PRRX2: variants seen among roughly 807,000 people sequenced by gnomAD.
PRRX2 encodes the protein paired mesoderm homeobox protein 2.
PRRX2 carries 11 observed loss-of-function variants against 18.0 expected under a neutral mutation model. The observed-to-expected ratio is 0.61, with a 90% CI of 0.39 to 1.01. The LOEUF (loss-of-function observed/expected upper bound fraction) is 1.01, where lower values mean the gene tolerates loss of function less well. Among genes scored for constraint, PRRX2 ranks in the 50% least tolerant of loss-of-function variants. PRRX2 has a pLI of 0.01. For synonymous variants in PRRX2, 177 were observed against 154.8 expected, an observed-to-expected ratio of 1.14 and a Z score of -1.06; for missense variants, 387 against 351.0, an observed-to-expected ratio of 1.10 and a Z score of -0.82.
intron 1 of PRRX2, among the ~76,000 whole-genome samples, chr9:129,708,504 T>A (rs1336846181): frequency 6.6e-6 from 1 of 152,260 alleles, no homozygotes; most frequent in African/African-American, 2.4e-5. Context: ...CACTCATTTT[T>A]AAATTGGGAT....
At chr9:129,681,751 C>T (rs1219074301) in intron 1 of PRRX2, among the ~76,000 whole-genome samples, 1 of 149,908 alleles carries the variant, frequency 6.7e-6, no homozygotes, top group Non-Finnish European at 1.5e-5. Flanking sequence ...GAGGCTGGGG[C>T]AGATGGTGTG....
intron 1 of PRRX2, among the ~76,000 whole-genome samples, chr9:129,714,206 G>T (rs371802567): frequency 1.3e-5 from 2 of 151,920 alleles, no homozygotes; most frequent in African/African-American, 4.8e-5. Flanking sequence ...TCGAGAGGCT[G>T]AGGTAGGAGA....
chr9:129,670,599 T>C (rs1832087929), intron 1 of PRRX2, among the ~76,000 whole-genome samples: 1 of 152,154 alleles, frequency 6.6e-6, no homozygotes, highest in Admixed American at 6.6e-5. Flanking sequence ...GGTCTTGAAC[T>C]CCTGACCTCA....
chr9:129,670,747 G>A (rs1588160478), intron 1 of PRRX2, among the ~76,000 whole-genome samples: 1 of 152,170 alleles, frequency 6.6e-6, no homozygotes, highest in East Asian at 1.9e-4. Context: ...CGGCCTCCCT[G>A]TAACTGATGC....
At chr9:129,712,284 C>T (rs1443462136) in intron 1 of PRRX2, among the ~76,000 whole-genome samples, 2 of 152,050 alleles carry the variant, frequency 1.3e-5, no homozygotes, top group African/African-American at 2.4e-5. Context: ...CACCTCAGCC[C>T]GGGGGTCAGG....
Position 129,720,631 on chromosome 9 carries a change from G to A in PRRX2, c.483G>A (p.Arg161=). Residue 161 remains arginine, a synonymous_variant, in exon 3 of 4, where the codon AGG becomes AGA. Transcript: ENST00000372469. ...WFQNRRAKFR[R]NERAMLASRS... is the part of the protein sequence containing the mutation. ...AGAACCGCCGCGCCAAGTTCCGCAG[G>A]AATGAAAGGGCCATGCTGGCCAGCC... The A allele has an allele frequency of 6.2e-7, 1 of 1,612,924 alleles. No individual in the cohort carries two copies. The highest frequency in any genetic ancestry group is 8.5e-7 in the Non-Finnish European group (1 of 1,179,408).
intron 1 of PRRX2, among the ~76,000 whole-genome samples, chr9:129,717,091 G>A (rs544114015): frequency 6.6e-6 from 1 of 151,904 alleles, no homozygotes; most frequent in East Asian, 1.9e-4. Context: ...CTGTCACCCA[G>A]GCTGGAGTGC....
chr9:129,719,547 G>T (rs1832762706), intron 2 of PRRX2, 129 bp downstream of exon 2: 1 of 1,202,536 alleles, frequency 8.3e-7, no homozygotes, highest in South Asian at 1.9e-5. Context: ...GGAGGACGGG[G>T]GTTCAGATCC....
At chr9:129,680,583 A>T (rs527438669) in intron 1 of PRRX2, among the ~76,000 whole-genome samples, 1 of 148,652 alleles carries the variant, frequency 6.7e-6, no homozygotes, top group Admixed American at 6.8e-5. Flanking sequence ...GCCCCACAGG[A>T]AGGGGAGCTG....
chr9:129,694,005 G>C (rs538759020), intron 1 of PRRX2, among the ~76,000 whole-genome samples: 14 of 152,234 alleles, frequency 9.2e-5, no homozygotes, highest in African/African-American at 3.4e-4. Context: ...TTTTTCTGAA[G>C]CTCTTCCTGA....
At chr9:129,685,034 C>T (rs1361502653) in intron 1 of PRRX2, among the ~76,000 whole-genome samples, 2 of 152,222 alleles carry the variant, frequency 1.3e-5, no homozygotes, top group East Asian at 3.9e-4. Context: ...TCTACCAGGG[C>T]AGGCAGTGTG....
rs138606133 is a variant in PRRX2 at position 129,685,494 on chromosome 9, A to C, written c.259+19368A>C. On this transcript the variant is annotated intron_variant, in intron 1 of 3. Transcript: ENST00000372469. The stretch of plus-strand genomic sequence containing the variant: ...ATCCTCCCACCTCAGCCTCCTGAGT[A>C]GCTGGGTGACATGTGCCACCACCCC... Among the ~76,000 whole-genome samples the C allele has an allele frequency of 4.3e-4, 66 of 152,160 alleles. No individual in the cohort carries two copies. The East Asian group carries it at 0.013, about 29-fold the overall frequency.
chr9:129,698,954 G>A (rs1264105986), intron 1 of PRRX2, among the ~76,000 whole-genome samples: 1 of 152,206 alleles, frequency 6.6e-6, no homozygotes, highest in Non-Finnish European at 1.5e-5. Context: ...CCCAGCTGGA[G>A]GGCCATCAGG....
chr9:129,702,161 G>C, intron 1 of PRRX2, among the ~76,000 whole-genome samples: 1 of 151,970 alleles, frequency 6.6e-6, no homozygotes, highest in African/African-American at 2.4e-5. Flanking sequence ...ACTTTGGGAG[G>C]CTGAGGCGGG....
chr9:129,700,518 C>T (rs1053161361), intron 1 of PRRX2, among the ~76,000 whole-genome samples: 1 of 151,300 alleles, frequency 6.6e-6, no homozygotes, highest in South Asian at 2.1e-4. Context: ...TTAGTAGTGA[C>T]GGGGTTTCAC....
chr9:129,697,617 G>C (rs1303435706), intron 1 of PRRX2, among the ~76,000 whole-genome samples: 1 of 151,838 alleles, frequency 6.6e-6, no homozygotes, highest in Non-Finnish European at 1.5e-5. Context: ...CTGGATTTCG[G>C]ACCGACCCCA....
chr9:129,703,704 TC>T (rs1462604031), intron 1 of PRRX2, among the ~76,000 whole-genome samples: 6 of 152,092 alleles, frequency 3.9e-5, no homozygotes, highest in Middle Eastern at 3.4e-3. Context: ...GTGGAAGAAG[TC>T]CTTCTCGCCT....
chr9:129,691,154 G>A (rs1311055070), intron 1 of PRRX2, among the ~76,000 whole-genome samples: 5 of 143,866 alleles, frequency 3.5e-5, no homozygotes, highest in Non-Finnish European at 7.5e-5. Context: ...GTGAAACCCT[G>A]TCTCTGCTAA....
intron 2 of PRRX2, 81 bp from the exon 3 acceptor site, chr9:129,720,515 C>CA (rs1254514890): frequency 7.3e-7 from 1 of 1,367,128 alleles, no homozygotes; most frequent in Non-Finnish European, 9.9e-7. Flanking sequence ...GGGCTGGTGA[C>CA]AGAGCAGGCA....
Sources: allele counts gnomAD v4.1 joint callset (sites outside exome capture counted in the v4.1 genomes callset), GRCh38; gene constraint gnomAD v4.1.1; transcripts MANE v1.5; gene names NCBI Gene and HGNC (gene_info 2026-07-23, HGNC 2026-07-21).